NRCAM: variants seen among roughly 807,000 people sequenced by gnomAD.
The protein encoded by NRCAM is NgCAM-related cell adhesion molecule.
NRCAM carries 83 observed loss-of-function variants against 156.5 expected under a neutral mutation model. The ratio of observed to expected loss-of-function variants is 0.53; its 90% CI spans 0.44 to 0.64. NRCAM has a LOEUF of 0.64. NRCAM is among the 30% of genes least tolerant of loss of function. The pLI is 0.00. For synonymous variants in NRCAM, 538 were observed against 563.9 expected, an observed-to-expected ratio of 0.95 and a Z score of 0.65; for missense variants, 1,417 against 1,597.3, an observed-to-expected ratio of 0.89 and a Z score of 1.92.
chr7:108,152,465 C>G (rs2042249701), intron 32 of NRCAM, among the ~76,000 whole-genome samples: 1 of 151,864 alleles, frequency 6.6e-6, no homozygotes, highest in Non-Finnish European at 1.5e-5. Context: ...AGGGGAGTGG[C>G]ACGGCTAAAT....
chr7:108,370,113 T>C (rs1029007901), intron 2 of NRCAM, among the ~76,000 whole-genome samples: 3 of 152,188 alleles, frequency 2.0e-5, no homozygotes, highest in Non-Finnish European at 4.4e-5. Context: ...TAGTTCTCTA[T>C]ACTTATCATT....
At chr7:108,162,663 A>G (rs1412944904) in intron 30 of NRCAM, among the ~76,000 whole-genome samples, 1 of 152,230 alleles carries the variant, frequency 6.6e-6, no homozygotes, top group Non-Finnish European at 1.5e-5. Context: ...TGGGTGGTAC[A>G]CAAACATCCA....
At chr7:108,166,438 G>C (rs1271821195) in intron 30 of NRCAM, among the ~76,000 whole-genome samples, 1 of 151,840 alleles carries the variant, frequency 6.6e-6, no homozygotes, top group Non-Finnish European at 1.5e-5. Context: ...AGTAGAGACG[G>C]GGTTTCATCA....
intron 3 of NRCAM, among the ~76,000 whole-genome samples, chr7:108,253,495 G>A (rs1243991933): frequency 2.0e-5 from 3 of 152,226 alleles, no homozygotes; most frequent in African/African-American, 7.2e-5. Context: ...TGCCCAGAAG[G>A]GGATGAAGGA....
chr7:108,175,462 A>C, intron 27 of NRCAM, 105 bp from the exon 28 acceptor site: 1 of 980,916 alleles, frequency 1.0e-6, no homozygotes, highest in Non-Finnish European at 1.5e-6. Context: ...TAAAGCATGC[A>C]AGAAGAATGA....
At chr7:108,208,533 T>C (rs2153578070) in intron 12 of NRCAM, among the ~76,000 whole-genome samples, 1 of 152,302 alleles carries the variant, frequency 6.6e-6, no homozygotes, top group Non-Finnish European at 1.5e-5. Context: ...TGTTAGGATT[T>C]CCGTTTTTGC....
chr7:108,223,939 C>G, intron 10 of NRCAM, 103 bp from the exon 11 acceptor site: 2 of 651,378 alleles, frequency 3.1e-6, no homozygotes, highest in Non-Finnish European at 5.5e-6. Context: ...CCTTTTTAAG[C>G]TATTTAACAT....
intron 3 of NRCAM, among the ~76,000 whole-genome samples, chr7:108,264,084 T>A (rs920061874): frequency 6.6e-6 from 1 of 152,172 alleles, no homozygotes; most frequent in Non-Finnish European, 1.5e-5. Context: ...TTCAAGCGAT[T>A]CTCCTGCCTC....
rs2040208474 is a variant in NRCAM at position 108,149,780 on chromosome 7, A to T, written c.*130T>A. 5.4e-6 allele frequency: 4 copies of T among 738,770 alleles called. No individual in the cohort carries two copies. In the East Asian group the frequency reaches 1.0e-4, roughly 19 times the overall value. The allele number at this position is 738,770 out of a possible 1,614,324, so 45.8% of individuals were successfully genotyped here. A position where few individuals can be genotyped will look rare whatever the true frequency, so the allele number is the denominator to read the frequency against. ...ACTGAGTTATGTTTTTGCTGTAACT[A>T]TTCTCATAATACTAACATACAGCAG... On this transcript the variant is annotated 3_prime_UTR_variant, in exon 33 of 33. Transcript: ENST00000379028.
intron 2 of NRCAM, among the ~76,000 whole-genome samples, chr7:108,372,258 T>C (rs1157691397): frequency 6.6e-6 from 1 of 151,712 alleles, no homozygotes; most frequent in African/African-American, 2.4e-5. Context: ...GTAACACACC[T>C]AGAAAAAAAC....
At chr7:108,436,993 T>C (rs1044535013) in intron 1 of NRCAM, among the ~76,000 whole-genome samples, 1 of 152,216 alleles carries the variant, frequency 6.6e-6, no homozygotes, top group African/African-American at 2.4e-5. Context: ...CTGTTCACTA[T>C]AGCCAAGACT....
At chr7:108,212,631 CA>C (rs2085258103) in intron 11 of NRCAM, among the ~76,000 whole-genome samples, 2 of 151,988 alleles carry the variant, frequency 1.3e-5, no homozygotes, top group Non-Finnish European at 2.9e-5. Context: ...TAGAACTGAA[CA>C]AGTAGAAGAG....
rs530966451 is a variant in NRCAM, at chr7:108,173,684, C to T, written c.3187+1638G>A. 7.2e-4 allele frequency among the ~76,000 whole-genome samples: 110 copies of T among 152,048 alleles called. No homozygotes were observed. The South Asian group carries it at 8.3e-3, about 12-fold the overall frequency. On this transcript the variant is annotated intron_variant, in intron 28 of 32. Transcript: ENST00000379028. ...TTAGCTTTTTTCCCCCTTATTTAAA[C>T]GCTATTCTTTTCTTATCTAAGATCC... is the stretch of plus-strand genomic sequence containing the variant.
intron 2 of NRCAM, among the ~76,000 whole-genome samples, chr7:108,383,417 G>A (rs574525295): frequency 3.2e-4 from 49 of 152,276 alleles, no homozygotes; most frequent in Non-Finnish European, 5.7e-4. Flanking sequence ...AATAAGATAC[G>A]GAGAAGGCAG....
At chr7:108,152,007 A>AAGAT (rs1413254757) in intron 32 of NRCAM, among the ~76,000 whole-genome samples, 2 of 152,194 alleles carry the variant, frequency 1.3e-5, no homozygotes, top group Non-Finnish European at 2.9e-5. Flanking sequence ...TGACTACTCT[A>AAGAT]AGATAGATTG....
intron 1 of NRCAM, among the ~76,000 whole-genome samples, chr7:108,429,497 GT>G (rs1822086242): frequency 6.6e-6 from 1 of 152,178 alleles, no homozygotes; most frequent in Non-Finnish European, 1.5e-5. Context: ...CAGCCCGGAT[GT>G]TTCTTTTAAA....
intron 7 of NRCAM, 107 bp from the exon 8 acceptor site, chr7:108,231,260 T>G (rs1226049198): frequency 2.9e-6 from 2 of 699,400 alleles, no homozygotes; most frequent in Non-Finnish European, 4.5e-6. Flanking sequence ...AATTTGTAAT[T>G]TATGTACACT....
At chr7:108,427,096 T>A (rs1340698289) in intron 1 of NRCAM, among the ~76,000 whole-genome samples, 1 of 152,234 alleles carries the variant, frequency 6.6e-6, no homozygotes, top group African/African-American at 2.4e-5. Context: ...TCCTCTAGAA[T>A]GCCCACTCTC....
At chr7:108,375,287 A>G (rs1337921132) in intron 2 of NRCAM, among the ~76,000 whole-genome samples, 1 of 152,076 alleles carries the variant, frequency 6.6e-6, no homozygotes, top group East Asian at 1.9e-4. Flanking sequence ...GAATCAATGA[A>G]TAATTCTATA....
Sources: gnomAD v4.1 joint callset for allele counts (sites outside exome capture counted in the v4.1 genomes callset) on GRCh38, gnomAD v4.1.1 for gene constraint, MANE v1.5 for transcripts, NCBI Gene and HGNC (gene_info 2026-07-23, HGNC 2026-07-21) for gene names.